The following KIF3B variants were observed in gnomAD, a reference collection of about 807,000 sequenced individuals.
KIF3B encodes kinesin-like protein KIF3B.
Under a neutral mutation model 74.3 loss-of-function variants are expected in KIF3B, and 38 were observed. That is an observed-to-expected ratio of 0.51 (90% confidence interval 0.39 to 0.67). The LOEUF is 0.67. Among genes scored for constraint, KIF3B ranks in the 30% least tolerant of loss-of-function variants. The pLI, the probability that KIF3B is intolerant of heterozygous loss-of-function variation, is 0.00. For missense variants in KIF3B, 649 were observed against 932.0 expected, an observed-to-expected ratio of 0.70 and a Z score of 3.95; for synonymous variants, 326 against 342.5, an observed-to-expected ratio of 0.95 and a Z score of 0.53.
intron 1 of KIF3B, among the ~76,000 whole-genome samples, chr20:32,292,477 C>T (rs2047696674): frequency 1.3e-5 from 2 of 150,892 alleles, no homozygotes; most frequent in Non-Finnish European, 2.9e-5. Context: ...GTGGCTCATG[C>T]CTGTAATCCT....
In KIF3B at chr20:32,277,977, C is replaced by CACCT. The variant is rs1164886876; in HGVS notation, c.-66+213_-66+216dup. 5.3e-5 allele frequency among the ~76,000 whole-genome samples: 8 copies of CACCT among 152,220 alleles called. No homozygotes were observed. In the East Asian group the frequency reaches 1.5e-3, roughly 29 times the overall value. On this transcript the variant is annotated intron_variant, in intron 1 of 8. Transcript: ENST00000375712. ...TCGCGGCCCGACCCCCAGACACGGC[C>CACCT]ACCTTGGGTCGCAGCCCACCTGGGG...
intron 5 of KIF3B, among the ~76,000 whole-genome samples, chr20:32,321,165 C>T (rs1239834257): frequency 6.6e-6 from 1 of 152,130 alleles, no homozygotes; most frequent in Non-Finnish European, 1.5e-5. Context: ...CGCTGTGGCT[C>T]ATGCCTGTAA....
chr20:32,310,350 G>A lies in KIF3B; in HGVS notation c.573G>A (p.Glu191=). The A allele has an allele frequency of 6.2e-7, 1 of 1,614,212 alleles. No homozygotes were observed. Among genetic ancestry groups the A allele is most frequent in the Non-Finnish European group, 8.5e-7 (1 of 1,180,038 alleles). The change falls in exon 2 of 9, where the codon GAG becomes GAA. Residue 191 remains glutamate (E), a synonymous_variant. Transcript: ENST00000375712. This position sits in a 1 kb window ranked among gnomAD's most constrained non-coding sequence, Gnocchi z 6.5. ...TCACCAAGAGTGTGAAGGAGATAGA[G>A]CATGTGATGAATGTGGGGAACCAGA... is the stretch of plus-strand genomic sequence containing the variant. ...SFVTKSVKEI[E]HVMNVGNQNR...
chr20:32,279,332 A>G (rs796885492), intron 1 of KIF3B, among the ~76,000 whole-genome samples: 2 of 152,082 alleles, frequency 1.3e-5, no homozygotes, highest in East Asian at 1.9e-4. Flanking sequence ...AACAGTTGCT[A>G]TTATAAGGCC....
intron 2 of KIF3B, among the ~76,000 whole-genome samples, chr20:32,311,802 CTTTTTTTTTTTT>C (rs771615918): frequency 7.6e-6 from 1 of 132,128 alleles, no homozygotes; most frequent in African/African-American, 2.9e-5. Flanking sequence ...ATCCATTTTT[CTTTTTTTTTTTT>C]TTTTTGAGAT....
intron 1 of KIF3B, among the ~76,000 whole-genome samples, chr20:32,298,089 A>G (rs2047724655): frequency 2.0e-5 from 3 of 148,228 alleles, no homozygotes; most frequent in South Asian, 4.3e-4. Context: ...CAGCCTGGAC[A>G]AGAGTAAAAC....
At chr20:32,288,889 A>G (rs2047678979) in intron 1 of KIF3B, among the ~76,000 whole-genome samples, 1 of 152,314 alleles carries the variant, frequency 6.6e-6, no homozygotes, top group East Asian at 1.9e-4. Flanking sequence ...CATTTAACTC[A>G]TCATATTAAT....
intron 5 of KIF3B, among the ~76,000 whole-genome samples, chr20:32,322,720 A>ATT (rs2047870155): frequency 1.9e-4 from 13 of 70,204 alleles, no homozygotes; most frequent in African/African-American, 7.7e-4. Context: ...ATATATATTT[A>ATT]TATTTATTTA....
At chr20:32,325,635 T>C (rs564287832) in intron 5 of KIF3B, among the ~76,000 whole-genome samples, 192 of 150,446 alleles carry the variant, frequency 1.3e-3, no homozygotes, top group African/African-American at 4.4e-3. Flanking sequence ...CTATTTTCAT[T>C]ATTATCTCTC....
chr20:32,293,651 G>A (rs141681090), intron 1 of KIF3B, among the ~76,000 whole-genome samples: 2 of 151,940 alleles, frequency 1.3e-5, no homozygotes, highest in Admixed American at 1.3e-4. Flanking sequence ...GAGTTGGGGG[G>A]CGGGGAGAAG....
intron 5 of KIF3B, 125 bp from the exon 6 acceptor site, chr20:32,326,646 T>G (rs957200825): frequency 2.3e-5 from 14 of 615,724 alleles, no homozygotes; most frequent in Non-Finnish European, 3.8e-5. Flanking sequence ...CCCATCGTAC[T>G]TGCTGAGTAA....
Position 32,326,766 on chromosome 20 carries a change from T to C in KIF3B, c.1749-5T>C, listed in dbSNP as rs759626061. On this transcript the variant is annotated splice_region_variant and splice_polypyrimidine_tract_variant and intron_variant, in intron 5 of 8. Transcript: ENST00000375712. ...TGTTTTCACCTGTTATGTGTGCTCT[T>C]ACAGGCATCTTATTATAGAAAACTT... is the stretch of plus-strand genomic sequence containing the variant. The C allele has an allele frequency of 3.5e-6, 4 of 1,131,818 alleles. No individual in the cohort carries two copies. Among genetic ancestry groups the C allele is most frequent in the Non-Finnish European group, 5.3e-6 (4 of 753,478 alleles). The allele number at this position is 1,131,818 out of a possible 1,614,324, so 70.1% of individuals were successfully genotyped here.
At chr20:32,295,854 C>CTTTTTTTTT (rs66566110) in intron 1 of KIF3B, among the ~76,000 whole-genome samples, 1 of 110,870 alleles carries the variant, frequency 9.0e-6, no homozygotes, top group Non-Finnish European at 1.8e-5. Context: ...TTTTTATTAT[C>CTTTTTTTTT]TTTTTTTTTT....
At chr20:32,301,702 C>A (rs190260978) in intron 1 of KIF3B, among the ~76,000 whole-genome samples, 1 of 152,120 alleles carries the variant, frequency 6.6e-6, no homozygotes, top group Non-Finnish European at 1.5e-5. Context: ...ACCAGGTGGG[C>A]CAAATGAAAT....
chr20:32,323,440 G>A (rs956534560), intron 5 of KIF3B, among the ~76,000 whole-genome samples: 2 of 151,058 alleles, frequency 1.3e-5, no homozygotes, highest in South Asian at 2.1e-4. Context: ...TCACTTTGTC[G>A]CCAGACTGGA....
chr20:32,312,106 T>G (rs868563704), intron 2 of KIF3B, among the ~76,000 whole-genome samples: 1 of 145,114 alleles, frequency 6.9e-6, no homozygotes, highest in African/African-American at 2.5e-5. Flanking sequence ...TCCGGCTTTT[T>G]TTTTTCTTTC....
chr20:32,322,771 T>TATATATACTG (rs1483982536), intron 5 of KIF3B, among the ~76,000 whole-genome samples: 5 of 52,268 alleles, frequency 9.6e-5, no homozygotes, highest in African/African-American at 7.2e-4. Flanking sequence ...TATATATTTA[T>TATATATACTG]ATATATATTT....
Position 32,310,700 on chromosome 20 carries a change from A to G in KIF3B, c.923A>G (p.Asn308Ser). 6.2e-7 allele frequency: 1 copy of G among 1,614,192 alleles called. No individual in the cohort carries two copies. Among genetic ancestry groups the G allele is most frequent in the Non-Finnish European group, 8.5e-7 (1 of 1,180,028 alleles). ...CTCCTCCAAGATTCCCTTGGTGGCAATGCCAAGACTGTGATGGTGGCCAAC... is the reference window on the plus strand; with the variant it reads ...CTCCTCCAAGATTCCCTTGGTGGCAGTGCCAAGACTGTGATGGTGGCCAAC... ...TRLLQDSLGG[N>S]AKTVMVANVG... is the part of the protein sequence containing the mutation. The change falls in exon 2 of 9, where the codon AAT (asparagine) becomes AGT (serine). Residue 308 changes from asparagine to serine, a missense_variant. Asn to Ser is a conservative substitution (Grantham distance 46). Transcript: ENST00000375712. The surrounding 1 kb of genome is among the most constrained non-coding windows in gnomAD (Gnocchi z 6.5).
chr20:32,306,706 T>TTGGA (rs1474015083), intron 1 of KIF3B, among the ~76,000 whole-genome samples: 3 of 150,278 alleles, frequency 2.0e-5, no homozygotes, highest in African/African-American at 7.3e-5. Flanking sequence ...GCAATTCTCC[T>TTGGA]GTCTCAGCCT....
Sources: allele counts gnomAD v4.1 joint callset (sites outside exome capture counted in the v4.1 genomes callset), GRCh38; gene constraint gnomAD v4.1.1; non-coding constraint Gnocchi (gnomAD v3.1); transcripts MANE v1.5; gene names NCBI Gene and HGNC (gene_info 2026-07-23, HGNC 2026-07-21).